Variants in IFNGR2 observed in about 807,000 individuals in gnomAD.
IFNGR2 encodes the protein IFN-gamma receptor 2.
Under a neutral mutation model 41.1 loss-of-function variants are expected in IFNGR2, and 15 were observed. The ratio of observed to expected loss-of-function variants is 0.37; its 90% CI spans 0.24 to 0.56. The LOEUF (loss-of-function observed/expected upper bound fraction) is 0.56, where lower values mean the gene tolerates loss of function less well. Among genes scored for constraint, IFNGR2 ranks in the 20% least tolerant of loss-of-function variants. The pLI, the probability that IFNGR2 is intolerant of heterozygous loss-of-function variation, is 0.81. For missense variants in IFNGR2, 362 were observed against 415.7 expected, an observed-to-expected ratio of 0.87 and a Z score of 1.12; for synonymous variants, 161 against 171.6, an observed-to-expected ratio of 0.94 and a Z score of 0.48.
At chr21:33,436,634 A>C (rs1300017651) in intron 6 of IFNGR2, among the ~76,000 whole-genome samples, 194 bp from the exon 7 acceptor site, 1 of 151,968 alleles carries the variant, frequency 6.6e-6, no homozygotes, top group African/African-American at 2.4e-5. Flanking sequence ...AGGCAGGAGA[A>C]TCGCTTGAAC....
chr21:33,413,826 CTTTTTTT>C lies in IFNGR2; in HGVS notation c.74-1045_74-1039del, dbSNP rs3057381. On this transcript the variant is annotated intron_variant, in intron 1 of 6. Transcript: ENST00000290219. Reference sequence around the variant, plus strand: ...CTTTCTCTGTTTATTGCCCCCTAACCTTTTTTTTTTTTTTTTTTTTTTTGGAGACAGA... The same window carrying C: ...CTTTCTCTGTTTATTGCCCCCTAACCTTTTTTTTTTTTTTTTGGAGACAGA... Among the ~76,000 whole-genome samples the C allele has an allele frequency of 1.1e-4, 7 of 61,728 alleles. No individual in the cohort carries two copies. In the South Asian group the frequency reaches 3.2e-3, roughly 28 times the overall value. The allele number at this position is 61,728 out of a possible 152,430, so 40.5% of individuals were successfully genotyped here.
chr21:33,437,092 C>A lies in IFNGR2; in HGVS notation c.*130C>A. ...CCTCTAAAAGGCCTGTCCCTGCAGA[C>A]ATGAGAGACAGCAGGTCTCATGGGG... On this transcript the variant is annotated 3_prime_UTR_variant, in exon 7 of 7. Coordinates refer to ENST00000290219, the MANE Select transcript of IFNGR2 (RefSeq NM_005534.4). 4 of 822,488 alleles carry A rather than the reference C, an allele frequency of 4.9e-6. No individual in the cohort carries two copies. Among genetic ancestry groups the A allele is most frequent in the Admixed American group, 2.1e-5 (1 of 46,854 alleles). The allele number at this position is 822,488 out of a possible 1,614,324, so 50.9% of individuals were successfully genotyped here. A position where few individuals can be genotyped will look rare whatever the true frequency, so the allele number is the denominator to read the frequency against.
At chr21:33,411,549 C>T (rs777754148) in intron 1 of IFNGR2, 15 of 470,608 alleles carry the variant, frequency 3.2e-5, no homozygotes, top group South Asian at 7.7e-5. Context: ...TGCTGCCTGA[C>T]GTACAAAAGG....
chr21:33,433,026 C>G (rs557489662), intron 6 of IFNGR2, among the ~76,000 whole-genome samples, 155 bp downstream of exon 6: 65 of 152,194 alleles, frequency 4.3e-4, no homozygotes, highest in East Asian at 1.2e-3. Flanking sequence ...GCTGGTATTA[C>G]AAGTGCTCAC....
chr21:33,415,106 T>C, intron 2 of IFNGR2, 86 bp downstream of exon 2: 1 of 1,468,884 alleles, frequency 6.8e-7, no homozygotes, highest in Non-Finnish European at 9.5e-7. Flanking sequence ...TCCCTGCCTC[T>C]GTGCAGGGTT....
Position 33,435,388 on chromosome 21 carries a change from G to A in IFNGR2, c.880-1440G>A, listed in dbSNP as rs529581117. Among the ~76,000 whole-genome samples the A allele has an allele frequency of 8.3e-4, 126 of 152,152 alleles. 1 individual carries two copies. Among genetic ancestry groups the A allele is most frequent in the South Asian group, 4.6e-3 (22 of 4,822 alleles). The stretch of plus-strand genomic sequence containing the variant: ...ACTGAAAGGTTACAATTTTAGAGAC[G>A]TCTTAAGATTAATAACCCACAGGCC... On this transcript the variant is annotated intron_variant, in intron 6 of 6. Coordinates refer to ENST00000290219, the MANE Select transcript of IFNGR2 (RefSeq NM_005534.4).
chr21:33,431,365 C>G (rs574040651), intron 4 of IFNGR2, among the ~76,000 whole-genome samples: 40 of 152,100 alleles, frequency 2.6e-4, no homozygotes, highest in Non-Finnish European at 4.4e-4. Flanking sequence ...AGATCAGGAG[C>G]TCGAGACCAG....
chr21:33,416,164 CATAGT>C (rs1050453580), intron 2 of IFNGR2, among the ~76,000 whole-genome samples: 14 of 152,102 alleles, frequency 9.2e-5, no homozygotes, highest in African/African-American at 3.4e-4. Context: ...GCCCAGCCTT[CATAGT>C]AGTTTTATCC....
intron 1 of IFNGR2, among the ~76,000 whole-genome samples, chr21:33,405,419 ACT>A (rs1326107825): frequency 2.0e-5 from 3 of 152,022 alleles, no homozygotes; most frequent in African/African-American, 7.2e-5. Flanking sequence ...TCAAATCCTG[ACT>A]CTGCTTCCAC....
At chr21:33,413,401 G>A (rs1289439499) in intron 1 of IFNGR2, among the ~76,000 whole-genome samples, 1 of 152,154 alleles carries the variant, frequency 6.6e-6, no homozygotes, top group Non-Finnish European at 1.5e-5. Context: ...TAAACAAATG[G>A]CCGCAGACTT....
intron 2 of IFNGR2, among the ~76,000 whole-genome samples, chr21:33,419,918 G>A (rs2123346318): frequency 6.6e-6 from 1 of 152,300 alleles, no homozygotes; most frequent in Non-Finnish European, 1.5e-5. Context: ...GGAGGAGGAG[G>A]AGCGGGGCGG....
chr21:33,412,244 G>A (rs1031288296), intron 1 of IFNGR2, among the ~76,000 whole-genome samples: 30 of 152,150 alleles, frequency 2.0e-4, no homozygotes, highest in African/African-American at 6.3e-4. Context: ...GTCCAGCTGC[G>A]TTTTCTCATG....
rs1455050860 is a variant in IFNGR2, at chr21:33,432,103, A to G, written c.562-74A>G. The G allele has an allele frequency of 5.2e-6, 7 of 1,347,812 alleles. No individual in the cohort carries two copies. In the East Asian group the frequency reaches 1.6e-4, roughly 31 times the overall value. 83.5% of individuals were successfully genotyped at this position (1,347,812 alleles called of 1,614,324 possible). A position where few individuals can be genotyped will look rare whatever the true frequency, so the allele number is the denominator to read the frequency against. On this transcript the variant is annotated intron_variant, in intron 4 of 6. Coordinates refer to ENST00000290219, the MANE Select transcript of IFNGR2 (RefSeq NM_005534.4). ...GGTTGTCGTGTTCACAGTGAATTTG[A>G]GGAAACATCAGAAAAGATGTAGGCA...
intron 1 of IFNGR2, among the ~76,000 whole-genome samples, chr21:33,414,171 T>A (rs1391788258): frequency 1.3e-5 from 2 of 152,112 alleles, no homozygotes; most frequent in Non-Finnish European, 2.9e-5. Flanking sequence ...GAGAAGCAGC[T>A]GGAAAGCTTG....
Position 33,426,907 on chromosome 21 carries a change from A to G in IFNGR2, c.436A>G (p.Ile146Val), listed in dbSNP as rs776581325. Reference protein sequence around the residue: ...RNVTVGPPENIEVTPGEGSLI... With the variant: ...RNVTVGPPENVEVTPGEGSLI... ...AGTGACTGTCGGGCCTCCAGAAAAC[A>G]TTGAGGTGACCCCAGGAGAAGGCTC... Residue 146 changes from isoleucine to valine, a missense_variant, in exon 4 of 7, where the codon ATT (isoleucine) becomes GTT (valine). Coordinates refer to ENST00000290219, the MANE Select transcript of IFNGR2 (RefSeq NM_005534.4). 24 of 1,613,588 alleles carry G rather than the reference A, an allele frequency of 1.5e-5. No individual in the cohort carries two copies. The Admixed American group carries it at 4.0e-4, about 27-fold the overall frequency.
rs752513136 is a variant in IFNGR2, at chr21:33,436,902, C to T, written c.954C>T (p.Asp318=). 5.0e-6 allele frequency: 8 copies of T among 1,613,988 alleles called. No homozygotes were observed. In the South Asian group the frequency reaches 8.8e-5, roughly 18 times the overall value. The change falls in exon 7 of 7, where the codon GAC becomes GAT. Residue 318 remains aspartate (D), a synonymous_variant. Coordinates refer to ENST00000290219, the MANE Select transcript of IFNGR2 (RefSeq NM_005534.4). ...GCTCACCAAAGGATGACGTCTGGGA[C>T]TCTGTGTCCATTATCTCGTTTCCGG... ...KDSSPKDDVW[D]SVSIISFPEK... is the part of the protein sequence containing the mutation.
chr21:33,431,939 G>C (rs532087824), intron 4 of IFNGR2, among the ~76,000 whole-genome samples: 1 of 152,144 alleles, frequency 6.6e-6, no homozygotes, highest in Non-Finnish European at 1.5e-5. Flanking sequence ...TACTACAATG[G>C]GCACTCTGAG....
intron 6 of IFNGR2, among the ~76,000 whole-genome samples, chr21:33,434,661 G>A (rs1347226256): frequency 1.3e-5 from 2 of 152,172 alleles, no homozygotes; most frequent in East Asian, 3.8e-4. Context: ...GTCCAAGTCT[G>A]CAGAAACATA....
intron 4 of IFNGR2, among the ~76,000 whole-genome samples, chr21:33,428,727 G>A (rs1273067708): frequency 1.3e-5 from 2 of 152,240 alleles, no homozygotes; most frequent in African/African-American, 4.8e-5. Context: ...ACTGGATACG[G>A]TGCCGGAAAT....
Sources: allele counts gnomAD v4.1 joint callset (sites outside exome capture counted in the v4.1 genomes callset), GRCh38; gene constraint gnomAD v4.1.1; transcripts MANE v1.5; gene names NCBI Gene and HGNC (gene_info 2026-07-23, HGNC 2026-07-21).